Variants in KALRN observed in about 807,000 individuals in gnomAD.
KALRN encodes the protein kalirin.
Under a neutral mutation model 353.7 loss-of-function variants are expected in KALRN, and 70 were observed. The ratio of observed to expected loss-of-function variants is 0.20; its 90% CI spans 0.16 to 0.24. KALRN has a LOEUF of 0.24. KALRN is among the 10% of genes least tolerant of loss of function. KALRN has a pLI of 1.00. For missense variants in KALRN, 2,791 were observed against 3,756.7 expected (o/e 0.74, Z 6.72); for synonymous variants, 1,391 against 1,434.8 (o/e 0.97, Z 0.69).
intron 39 of KALRN, 60 bp from the exon 40 acceptor site, chr3:124,657,388 C>T: frequency 8.6e-7 from 1 of 1,156,500 alleles, no homozygotes; most frequent in Non-Finnish European, 1.3e-6. Context: ...TGGTGTGTGG[C>T]ATGGCCCAGA....
chr3:124,071,092 A>G (rs1385390906), intron 1 of KALRN, among the ~76,000 whole-genome samples: 4 of 152,114 alleles, frequency 2.6e-5, no homozygotes, highest in Non-Finnish European at 5.9e-5. Context: ...GAAGGTGATC[A>G]GGAAGGGGAG....
In KALRN at chr3:124,413,578, C is replaced by T. The variant is rs781546248; in HGVS notation, c.2455C>T (p.Arg819Trp). 5.0e-6 allele frequency: 8 copies of T among 1,614,074 alleles called. No individual in the cohort carries two copies. Among genetic ancestry groups the T allele is most frequent in the South Asian group, 3.3e-5 (3 of 91,072 alleles). The stretch of plus-strand genomic sequence containing the variant: ...ACAGCGGCTGCAGCGCCACACAGAA[C>T]GGAAGCTAGCCATGAACAACATGAC... ...AEQRLQRHTE[R>W]KLAMNNMTFE... is the part of the protein sequence containing the mutation. The change falls in exon 14 of 60, where the codon CGG (arginine) becomes TGG (tryptophan). Residue 819 changes from arginine (R) to tryptophan (W), a missense_variant. By Grantham distance (101) the Arg-to-Trp change is moderately radical. Coordinates refer to ENST00000682506, the MANE Select transcript of KALRN (RefSeq NM_001388419.1).
intron 5 of KALRN, among the ~76,000 whole-genome samples, chr3:124,293,919 C>A (rs2076623346): frequency 6.6e-6 from 1 of 152,048 alleles, no homozygotes; most frequent in Admixed American, 6.6e-5. Flanking sequence ...AACCTATGAC[C>A]AACTCATAGT....
intron 1 of KALRN, among the ~76,000 whole-genome samples, chr3:124,091,545 A>C (rs184948214): frequency 1.8e-4 from 27 of 152,282 alleles, no homozygotes; most frequent in African/African-American, 6.0e-4. Flanking sequence ...GAGAGGGAGA[A>C]AGAACAGTGC....
intron 1 of KALRN, among the ~76,000 whole-genome samples, chr3:124,146,264 TGAG>T (rs1269107773): frequency 2.0e-5 from 3 of 152,164 alleles, no homozygotes; most frequent in African/African-American, 7.2e-5. Context: ...CAGTCAGTAA[TGAG>T]GAGCACAGAA....
intron 1 of KALRN, among the ~76,000 whole-genome samples, chr3:124,166,914 A>T (rs2070952273): frequency 6.6e-6 from 1 of 151,988 alleles, no homozygotes; most frequent in Non-Finnish European, 1.5e-5. Context: ...TCCTGGTGGT[A>T]TGTGCCTGTA....
intron 1 of KALRN, among the ~76,000 whole-genome samples, chr3:124,197,081 G>A (rs1188047888): frequency 6.6e-6 from 1 of 152,146 alleles, no homozygotes. Context: ...CTCTCTTAGT[G>A]TTGGACATTT....
At chr3:124,573,271 C>T (rs1275154789) in intron 34 of KALRN, among the ~76,000 whole-genome samples, 1 of 152,170 alleles carries the variant, frequency 6.6e-6, no homozygotes, top group Non-Finnish European at 1.5e-5. Flanking sequence ...TCTAAAAATT[C>T]TAACTTTAAA....
intron 5 of KALRN, among the ~76,000 whole-genome samples, chr3:124,285,523 A>T (rs2149079990): frequency 6.6e-6 from 1 of 152,322 alleles, no homozygotes; most frequent in Non-Finnish European, 1.5e-5. Context: ...AAAATTAATT[A>T]AAAATAAAAT....
intron 6 of KALRN, among the ~76,000 whole-genome samples, chr3:124,312,627 T>C (rs1009183658): frequency 1.1e-4 from 17 of 152,220 alleles, no homozygotes; most frequent in African/African-American, 4.1e-4. Context: ...CCAACACTGG[T>C]GGTGTTAGGG....
At chr3:124,468,856 A>G (rs1292775837) in intron 25 of KALRN, among the ~76,000 whole-genome samples, 21 of 152,230 alleles carry the variant, frequency 1.4e-4, no homozygotes, top group Admixed American at 1.4e-3. Context: ...GGAGCCCTAT[A>G]CAAATGTAGC....
intron 1 of KALRN, among the ~76,000 whole-genome samples, chr3:124,124,448 T>G (rs2064394566): frequency 6.6e-6 from 1 of 152,246 alleles, no homozygotes; most frequent in Non-Finnish European, 1.5e-5. Context: ...CTGGTGAAGA[T>G]GCTGTGAACA....
chr3:124,235,362 C>T (rs991342935), intron 3 of KALRN, among the ~76,000 whole-genome samples: 2 of 152,012 alleles, frequency 1.3e-5, no homozygotes, highest in Non-Finnish European at 2.9e-5. Flanking sequence ...ATTAAATTTT[C>T]ACTGGGTAGG....
At chr3:124,685,812 C>G (rs1290103810) in intron 51 of KALRN, among the ~76,000 whole-genome samples, 2 of 152,148 alleles carry the variant, frequency 1.3e-5, no homozygotes, top group Admixed American at 1.3e-4. Flanking sequence ...CCATCGCACC[C>G]TCACCCTAGA....
intron 1 of KALRN, among the ~76,000 whole-genome samples, chr3:124,127,467 C>T (rs374801500): frequency 9.8e-4 from 150 of 152,302 alleles, no homozygotes; most frequent in African/African-American, 3.4e-3. Context: ...TTACCCCCTT[C>T]TCAATCTGAC....
At chr3:124,080,729 T>C (rs931028787) in intron 1 of KALRN, among the ~76,000 whole-genome samples, 2 of 152,220 alleles carry the variant, frequency 1.3e-5, no homozygotes, top group African/African-American at 4.8e-5. Flanking sequence ...ATATGTTTAT[T>C]TTAAAATGTA....
chr3:124,109,769 T>C (rs11705914), intron 1 of KALRN, among the ~76,000 whole-genome samples: 5,914 of 87,346 alleles, frequency 0.068, 37 homozygotes, highest in East Asian at 0.24. Flanking sequence ...CTTTGATATA[T>C]ATATGACATA....
In KALRN at chr3:124,252,703, G is replaced by C. The variant is rs530581701; in HGVS notation, c.264-11795G>C. 3.9e-5 allele frequency among the ~76,000 whole-genome samples: 6 copies of C among 152,320 alleles called. No individual in the cohort carries two copies. In the East Asian group the frequency reaches 1.2e-3, roughly 29 times the overall value. On this transcript the variant is annotated intron_variant, in intron 3 of 59. Transcript: ENST00000682506. ...GTACAAACAACAACAAAAACCTCTGGATGAATTAACGTAGATTCTGAGGAG... is the reference window on the plus strand; with the variant it reads ...GTACAAACAACAACAAAAACCTCTGCATGAATTAACGTAGATTCTGAGGAG...
chr3:124,167,450 T>A (rs373251126), intron 1 of KALRN, among the ~76,000 whole-genome samples: 4 of 152,350 alleles, frequency 2.6e-5, no homozygotes, highest in South Asian at 4.1e-4. Flanking sequence ...AGGAGAAAGA[T>A]ACAGCAAACC....
Sources: gnomAD v4.1 joint callset for allele counts (sites outside exome capture counted in the v4.1 genomes callset) on GRCh38, gnomAD v4.1.1 for gene constraint, MANE v1.5 for transcripts, NCBI Gene and HGNC (gene_info 2026-07-23, HGNC 2026-07-21) for gene names.